SNX29: variants seen among roughly 807,000 people sequenced by gnomAD.
SNX29 encodes the protein sorting nexin-29.
Under a neutral mutation model 102.1 loss-of-function variants are expected in SNX29, and 78 were observed. The observed-to-expected ratio is 0.76, with a 90% confidence interval of 0.64 to 0.92. SNX29 has a LOEUF of 0.92. SNX29 is among the 40% of genes least tolerant of loss of function. SNX29 has a pLI of 0.00. For missense variants in SNX29, 1,280 were observed against 1,061.7 expected (o/e 1.21, Z -2.86); for synonymous variants, 580 against 414.5 (o/e 1.40, Z -4.85).
At chr16:11,999,265 G>C in intron 1 of SNX29, 32 bp from the exon 2 acceptor site, 1 of 1,612,020 alleles carries the variant, frequency 6.2e-7, no homozygotes, top group Non-Finnish European at 8.5e-7. Flanking sequence ...CCGAGCGTCA[G>C]AGAGAACTAA....
chr16:12,305,715 C>T (rs565341673), intron 15 of SNX29, among the ~76,000 whole-genome samples: 2 of 152,258 alleles, frequency 1.3e-5, no homozygotes, highest in East Asian at 3.9e-4. Flanking sequence ...TGTTGTGTAT[C>T]CAGACTCCGA....
intron 18 of SNX29, among the ~76,000 whole-genome samples, chr16:12,453,282 T>TC (rs1314326690): frequency 6.6e-6 from 1 of 152,092 alleles, no homozygotes; most frequent in Non-Finnish European, 1.5e-5. Flanking sequence ...CTCAGAATCA[T>TC]CCCCCACATG....
chr16:12,498,205 C>T (rs2088927162), intron 19 of SNX29, among the ~76,000 whole-genome samples: 1 of 152,154 alleles, frequency 6.6e-6, no homozygotes, highest in Non-Finnish European at 1.5e-5. Flanking sequence ...AACGCAACTT[C>T]CTCTGGCCCA....
At chr16:12,187,415 G>A (rs930468853) in intron 13 of SNX29, among the ~76,000 whole-genome samples, 3 of 152,126 alleles carry the variant, frequency 2.0e-5, no homozygotes, top group Non-Finnish European at 4.4e-5. Context: ...TTAGCCGGGT[G>A]TGCACGCCTG....
intron 8 of SNX29, among the ~76,000 whole-genome samples, chr16:12,054,451 C>T (rs998310335): frequency 2.3e-4 from 35 of 152,316 alleles, no homozygotes; most frequent in African/African-American, 7.7e-4. Flanking sequence ...TCAGTAAAGG[C>T]GATAGCCCTC....
intron 16 of SNX29, among the ~76,000 whole-genome samples, chr16:12,368,330 T>C (rs1256151372): frequency 6.6e-6 from 1 of 152,220 alleles, no homozygotes; most frequent in African/African-American, 2.4e-5. Flanking sequence ...GCTGGTCCTA[T>C]GTTGATGCAA....
intron 16 of SNX29, among the ~76,000 whole-genome samples, chr16:12,356,801 G>A (rs8044541): frequency 0.9 from 137,638 of 152,328 alleles, 62,479 homozygotes; most frequent in African/African-American, 0.98. Flanking sequence ...TCTGAGCATT[G>A]TGGGATGTCT....
rs991750623 is a variant in SNX29 at position 12,547,525 on chromosome 16, G to A, written c.2319-20981G>A. 2.0e-5 allele frequency among the ~76,000 whole-genome samples: 3 copies of A among 152,126 alleles called. No individual in the cohort carries two copies. In the East Asian group the frequency reaches 5.8e-4, roughly 29 times the overall value. On this transcript the variant is annotated intron_variant, in intron 20 of 20. Coordinates refer to ENST00000566228, the MANE Select transcript of SNX29 (RefSeq NM_032167.5). ...GGTTTCAATGTGGGTGTGAGAGAAA[G>A]AGGAACTGGAAGAACAGAGTCCTGA...
chr16:12,078,424 G>C (rs1183037085), intron 10 of SNX29, among the ~76,000 whole-genome samples: 1 of 152,058 alleles, frequency 6.6e-6, no homozygotes, highest in Non-Finnish European at 1.5e-5. Flanking sequence ...ACAGTGAGCC[G>C]AGATCACGCA....
chr16:12,153,844 C>G (rs543866467), intron 13 of SNX29, among the ~76,000 whole-genome samples: 1 of 152,122 alleles, frequency 6.6e-6, no homozygotes, highest in South Asian at 2.1e-4. Flanking sequence ...ATGTAGCAAG[C>G]CGGTGTGACA....
intron 11 of SNX29, among the ~76,000 whole-genome samples, chr16:12,108,396 C>G (rs551738629): frequency 3.3e-5 from 5 of 152,202 alleles, no homozygotes; most frequent in Non-Finnish European, 7.3e-5. Context: ...CTGGGCTGGA[C>G]TTGACCATGG....
chr16:12,453,507 A>G (rs1260135623), intron 18 of SNX29, among the ~76,000 whole-genome samples: 10 of 152,154 alleles, frequency 6.6e-5, no homozygotes, highest in African/African-American at 2.4e-4. Flanking sequence ...AAAACAAACA[A>G]AGTGGCTGTC....
intron 13 of SNX29, among the ~76,000 whole-genome samples, chr16:12,171,844 G>A (rs2076156652): frequency 6.6e-6 from 1 of 152,190 alleles, no homozygotes; most frequent in South Asian, 2.1e-4. Context: ...AGATTTGGTA[G>A]AAGACCTAGT....
chr16:12,222,925 G>C (rs1157775960), intron 14 of SNX29, among the ~76,000 whole-genome samples: 1 of 152,212 alleles, frequency 6.6e-6, no homozygotes, highest in East Asian at 1.9e-4. Flanking sequence ...CACAGGTGTA[G>C]ATATTATTCT....
At chr16:12,196,098 C>T (rs780186374) in intron 13 of SNX29, among the ~76,000 whole-genome samples, 2 of 151,466 alleles carry the variant, frequency 1.3e-5, no homozygotes, top group African/African-American at 2.4e-5. Context: ...ACCTCAGCCT[C>T]CCAAGTAGAT....
intron 18 of SNX29, among the ~76,000 whole-genome samples, chr16:12,451,660 A>C (rs1295559640): frequency 1.3e-5 from 2 of 152,162 alleles, no homozygotes; most frequent in Non-Finnish European, 2.9e-5. Context: ...TCAGGAGATC[A>C]AGACCATCCT....
chr16:12,029,919 T>C (rs2057294781), intron 4 of SNX29, among the ~76,000 whole-genome samples: 2 of 143,584 alleles, frequency 1.4e-5, no homozygotes, highest in African/African-American at 5.2e-5. Context: ...TAATCACTGA[T>C]ATATCATCGT....
intron 19 of SNX29, among the ~76,000 whole-genome samples, chr16:12,486,171 G>A (rs554192335): frequency 1.4e-4 from 22 of 152,252 alleles, no homozygotes; most frequent in African/African-American, 2.2e-4. Context: ...TCTGTCTTCC[G>A]TGTTGCCTCT....
At chr16:12,191,161 AC>A (rs985569585) in intron 13 of SNX29, among the ~76,000 whole-genome samples, 15 of 152,158 alleles carry the variant, frequency 9.9e-5, no homozygotes, top group Non-Finnish European at 4.4e-5. Context: ...TGCCCAGTTC[AC>A]AATAGGGTTC....
Sources: gnomAD v4.1 joint callset for allele counts (sites outside exome capture counted in the v4.1 genomes callset) on GRCh38, gnomAD v4.1.1 for gene constraint, MANE v1.5 for transcripts, NCBI Gene and HGNC (gene_info 2026-07-23, HGNC 2026-07-21) for gene names.